FGF2: variants seen among roughly 807,000 people sequenced by gnomAD.
FGF2 encodes the protein basic fibroblast growth factor bFGF.
In FGF2, 13 loss-of-function variants were observed where a neutral mutation model predicts 15.9. The ratio of observed to expected loss-of-function variants is 0.82; its 90% CI spans 0.53 to 1.30. The LOEUF (loss-of-function observed/expected upper bound fraction) is 1.30. Ranked by LOEUF, FGF2 falls within the 50% of genes most tolerant of loss-of-function variation. The probability of loss-of-function intolerance (pLI) is 0.00; values close to 1 mark genes in which losing one functional copy is unlikely to be tolerated. For missense variants in FGF2, 163 were observed against 196.9 expected, an observed-to-expected ratio of 0.83 and a Z score of 1.03; for synonymous variants, 90 against 78.4, an observed-to-expected ratio of 1.15 and a Z score of -0.78.
intron 1 of FGF2, among the ~76,000 whole-genome samples, chr4:122,840,120 A>G (rs1161868335): frequency 6.6e-6 from 1 of 152,118 alleles, no homozygotes; most frequent in Non-Finnish European, 1.5e-5. Context: ...TAGAGGCCCC[A>G]TCTGCAAACA....
chr4:122,886,237 C>G (rs1333314923), intron 2 of FGF2, among the ~76,000 whole-genome samples: 1 of 151,882 alleles, frequency 6.6e-6, no homozygotes, highest in African/African-American at 2.4e-5. Context: ...TTTTTCATGG[C>G]CAGATAGGGA....
chr4:122,830,891 G>A (rs1205028226), intron 1 of FGF2, among the ~76,000 whole-genome samples: 2 of 150,754 alleles, frequency 1.3e-5, no homozygotes, highest in Non-Finnish European at 2.9e-5. Flanking sequence ...CCCAGGAGGT[G>A]ACTGCCTGTG....
chr4:122,848,270 C>T (rs1181378439), intron 1 of FGF2, among the ~76,000 whole-genome samples: 1 of 152,216 alleles, frequency 6.6e-6, no homozygotes, highest in Non-Finnish European at 1.5e-5. Context: ...TAGTGCCTTC[C>T]AGGGGCACAT....
At chr4:122,878,921 G>T (rs901122807) in intron 2 of FGF2, among the ~76,000 whole-genome samples, 5 of 152,154 alleles carry the variant, frequency 3.3e-5, no homozygotes, top group African/African-American at 1.2e-4. Context: ...TAGTAAGTTC[G>T]AATTTAGACC....
intron 1 of FGF2, among the ~76,000 whole-genome samples, chr4:122,856,762 C>A (rs1234561865): frequency 6.6e-6 from 1 of 152,128 alleles, no homozygotes; most frequent in Non-Finnish European, 1.5e-5. Flanking sequence ...AGTATCATAA[C>A]CCAGATATTG....
chr4:122,851,153 G>C (rs1465404274), intron 1 of FGF2, among the ~76,000 whole-genome samples: 1 of 152,132 alleles, frequency 6.6e-6, no homozygotes, highest in African/African-American at 2.4e-5. Flanking sequence ...AGAGATAACA[G>C]AGTGGCATGC....
chr4:122,842,520 T>C (rs1726011687), intron 1 of FGF2, among the ~76,000 whole-genome samples: 1 of 152,212 alleles, frequency 6.6e-6, no homozygotes, highest in Non-Finnish European at 1.5e-5. Flanking sequence ...AACTTTAGTT[T>C]ATGGTGAGTG....
chr4:122,886,320 C>T (rs1384575620), intron 2 of FGF2, among the ~76,000 whole-genome samples: 4 of 152,160 alleles, frequency 2.6e-5, no homozygotes, highest in Non-Finnish European at 5.9e-5. Flanking sequence ...ATGTTATCTT[C>T]ATGACTGATA....
Position 122,861,367 on chromosome 4 carries a change from A to C in FGF2, c.179-14954A>C, listed in dbSNP as rs142758099. Among the ~76,000 whole-genome samples, 39 of 152,292 alleles carry C rather than the reference A, an allele frequency of 2.6e-4. 1 individual carries two copies. The highest frequency in any genetic ancestry group is 5.1e-4 in the Non-Finnish European group (35 of 68,028). Reference sequence around the variant, plus strand: ...ATTTCACTGTGTCTGAAGGGAACATATATCATTGTCTTCTCTTGCCAACTT... The same window carrying C: ...ATTTCACTGTGTCTGAAGGGAACATCTATCATTGTCTTCTCTTGCCAACTT... On this transcript the variant is annotated intron_variant, in intron 1 of 2. Coordinates refer to ENST00000644866, the MANE Select transcript of FGF2 (RefSeq NM_001361665.2).
chr4:122,896,819 AT>A lies in FGF2; in HGVS notation c.*4425del, dbSNP rs947367640. The A allele has an allele frequency of 2.6e-5, 4 of 152,196 alleles. No homozygotes were observed. Among genetic ancestry groups the A allele is most frequent in the African/African-American group, 9.6e-5 (4 of 41,456 alleles). The allele number at this position is 152,196 out of a possible 1,614,324, so 9.4% of individuals were successfully genotyped here. ...CAATTTAGAAAATTGCCTTAATATC[AT>A]TGTTGGCTAAATAGAATAGGGGACA... On this transcript the variant is annotated 3_prime_UTR_variant, in exon 3 of 3. Transcript: ENST00000644866.
Position 122,892,860 on chromosome 4 carries a change from C to T in FGF2, c.*464C>T. The T allele has an allele frequency of 1.9e-6, 3 of 1,607,684 alleles. No individual in the cohort carries two copies. Among genetic ancestry groups the T allele is most frequent in the Non-Finnish European group, 2.6e-6 (3 of 1,176,374 alleles). ...ATTCCTTTCATAGTTTTATAATTCT[C>T]TGGCAGTTCCTTATGATAGAGTTTA... On this transcript the variant is annotated 3_prime_UTR_variant, in exon 3 of 3. Transcript: ENST00000644866.
intron 2 of FGF2, chr4:122,882,422 A>G (rs1165046366): frequency 6.6e-6 from 1 of 152,234 alleles, no homozygotes; most frequent in African/African-American, 2.4e-5. Flanking sequence ...CTCTTGGCAA[A>G]TAGGTATTAA....
chr4:122,850,411 A>G (rs1319340489), intron 1 of FGF2, among the ~76,000 whole-genome samples: 1 of 152,216 alleles, frequency 6.6e-6, no homozygotes, highest in Non-Finnish European at 1.5e-5. Flanking sequence ...AGCATCTTAA[A>G]CAGAATTAAT....
intron 2 of FGF2, chr4:122,884,592 A>G (rs1727021284): frequency 1.3e-5 from 2 of 152,176 alleles, no homozygotes; most frequent in African/African-American, 2.4e-5. Context: ...TACTTACATC[A>G]TGTCTGTTTT....
intron 1 of FGF2, among the ~76,000 whole-genome samples, chr4:122,866,798 G>C (rs996023430): frequency 6.6e-6 from 1 of 152,160 alleles, no homozygotes; most frequent in South Asian, 2.1e-4. Flanking sequence ...TAAACATAGA[G>C]TTACCATATG....
chr4:122,888,516 C>G (rs1011966942), intron 2 of FGF2, among the ~76,000 whole-genome samples: 1 of 152,106 alleles, frequency 6.6e-6, no homozygotes, highest in African/African-American at 2.4e-5. Context: ...AGGTCTGCCC[C>G]CTCTCCCATC....
Position 122,894,335 on chromosome 4 carries a change from A to G in FGF2, c.*1939A>G, listed in dbSNP as rs1727283756. On this transcript the variant is annotated 3_prime_UTR_variant, in exon 3 of 3. Coordinates refer to ENST00000644866, the MANE Select transcript of FGF2 (RefSeq NM_001361665.2). ...GCCGGGTGCAGTGGCTCATGCCTAT[A>G]TTCCCTGCACTTTGGGAGGCCAAAG... 1 of 152,342 alleles carries G rather than the reference A, an allele frequency of 6.6e-6. No homozygotes were observed. The highest frequency in any genetic ancestry group is 1.5e-5 in the Non-Finnish European group (1 of 68,152). 9.4% of individuals were successfully genotyped at this position (152,342 alleles called of 1,614,324 possible). A position where few individuals can be genotyped will look rare whatever the true frequency, so the allele number is the denominator to read the frequency against.
chr4:122,844,586 T>TTCCTTCCTTCCTTCCTTCCTTCCTTC (rs1560740322), intron 1 of FGF2, among the ~76,000 whole-genome samples: 25 of 133,870 alleles, frequency 1.9e-4, no homozygotes, highest in South Asian at 7.4e-4. Context: ...TTTCTTTCTT[T>TTCCTTCCTTCCTTCCTTCCTTCCTTC]CTTCCTTCCT....
At chr4:122,869,120 T>G (rs537027747) in intron 1 of FGF2, among the ~76,000 whole-genome samples, 1 of 152,354 alleles carries the variant, frequency 6.6e-6, no homozygotes, top group South Asian at 2.1e-4. Flanking sequence ...TTAGTTTAAT[T>G]AGATCCCATT....
Sources: allele counts gnomAD v4.1 joint callset (sites outside exome capture counted in the v4.1 genomes callset), GRCh38; gene constraint gnomAD v4.1.1; transcripts MANE v1.5; gene names NCBI Gene and HGNC (gene_info 2026-07-23, HGNC 2026-07-21).